The following DAPK2 variants were observed in gnomAD, a reference collection of about 807,000 sequenced individuals.
The protein encoded by DAPK2 is death-associated protein kinase 2.
A neutral mutation model predicts 44.1 loss-of-function variants in DAPK2; 35 were observed. That is an observed-to-expected ratio of 0.79 (90% confidence interval 0.61 to 1.05). DAPK2 has a LOEUF of 1.05. Ranked by LOEUF, DAPK2 falls within the 50% of genes least tolerant of loss-of-function variation. DAPK2 has a pLI of 0.00. For synonymous variants in DAPK2, 174 were observed against 182.6 expected, an observed-to-expected ratio of 0.95 and a Z score of 0.38; for missense variants, 453 against 483.2, an observed-to-expected ratio of 0.94 and a Z score of 0.59.
chr15:64,035,137 C>A lies in DAPK2; in HGVS notation c.92+5033G>T, dbSNP rs150961311. On this transcript the variant is annotated intron_variant, in intron 1 of 10. Coordinates refer to ENST00000261891, the Ensembl canonical transcript of DAPK2. ...GAGCTGAGATCATGCAACTGCACTC[C>A]AGCCTGGGCGACAGAATGAGGCTCC... 1.3e-3 allele frequency among the ~76,000 whole-genome samples: 200 copies of A among 150,952 alleles called. 1 individual carries two copies. The highest frequency in any genetic ancestry group is 4.4e-3 in the African/African-American group (181 of 41,102).
intron 3 of DAPK2, among the ~76,000 whole-genome samples, chr15:63,947,154 A>G (rs1216311996): frequency 6.6e-6 from 1 of 151,996 alleles, no homozygotes; most frequent in Non-Finnish European, 1.5e-5. Flanking sequence ...CTGCTGGAAC[A>G]GCCTTCCTGA....
rs566952200 is a variant in DAPK2 at position 64,019,723 on chromosome 15, C to T, written c.92+20447G>A. ...ATGTAAGTATCCATTCATTTTAAAG[C>T]GAACAAATGAATAAGCCAGCCAGAC... is the stretch of plus-strand genomic sequence containing the variant. On this transcript the variant is annotated intron_variant, in intron 1 of 10. Coordinates refer to ENST00000261891, the Ensembl canonical transcript of DAPK2. 1.2e-4 allele frequency among the ~76,000 whole-genome samples: 19 copies of T among 152,226 alleles called. No individual in the cohort carries two copies. In the South Asian group the frequency reaches 1.5e-3, roughly 12 times the overall value.
intron 1 of DAPK2, among the ~76,000 whole-genome samples, chr15:64,021,770 G>A (rs1379874908): frequency 1.3e-5 from 2 of 152,146 alleles, no homozygotes; most frequent in African/African-American, 4.8e-5. Flanking sequence ...GGCCCCAGAG[G>A]GAGAGGAAGT....
At chr15:64,033,960 G>A (rs2080103366) in intron 1 of DAPK2, among the ~76,000 whole-genome samples, 1 of 151,552 alleles carries the variant, frequency 6.6e-6, no homozygotes, top group African/African-American at 2.4e-5. Flanking sequence ...GTCTACCTGT[G>A]GGGTGTGAGA....
intron 7 of DAPK2, among the ~76,000 whole-genome samples, chr15:63,925,705 C>G (rs1172482031): frequency 6.6e-6 from 1 of 152,010 alleles, no homozygotes; most frequent in Non-Finnish European, 1.5e-5. Flanking sequence ...CACACACACA[C>G]ACACACACAC....
chr15:64,040,204 C>A lies in DAPK2; in HGVS notation c.58G>T (p.Glu20Ter). ...TCCTCTCCGATGTCATAAAAGTCCTCCACCTTCTGCTGCTTGAATGGCTCC... is the reference window on the plus strand; with the variant it reads ...TCCTCTCCGATGTCATAAAAGTCCTACACCTTCTGCTGCTTGAATGGCTCC... Residue 20 changes from glutamate (E) to a stop codon, truncating the protein, a stop_gained, in exon 1 of 11, where the codon GAG (glutamate) becomes TAG (stop). Transcript: ENST00000261891. LOFTEE classifies it high-confidence loss of function. 1.2e-6 allele frequency: 2 copies of A among 1,614,052 alleles called. No homozygotes were observed. Among genetic ancestry groups the A allele is most frequent in the South Asian group, 2.2e-5 (2 of 91,082 alleles).
In DAPK2 at chr15:63,912,123, G is replaced by C; in HGVS notation, c.933C>G (p.Val311=). Residue 311 remains valine (V), a synonymous_variant, in exon 9 of 11, where the codon GTC becomes GTG. Coordinates refer to ENST00000261891, the Ensembl canonical transcript of DAPK2. This position sits in a 1 kb window ranked among gnomAD's most constrained non-coding sequence, Gnocchi z 4.4. ...CTGGACACACCTTCCACCGCCTGCG[G>C]ACATACTGCTTCCTGAAGTTCTCCA... 1 of 1,613,792 alleles carries C rather than the reference G, an allele frequency of 6.2e-7. No individual in the cohort carries two copies. Among genetic ancestry groups the C allele is most frequent in the African/African-American group, 1.3e-5 (1 of 74,908 alleles).
intron 1 of DAPK2, among the ~76,000 whole-genome samples, chr15:63,999,025 A>G (rs547148234): frequency 7.2e-5 from 11 of 152,060 alleles, no homozygotes; most frequent in Non-Finnish European, 1.6e-4. Context: ...TGTTTTGTGA[A>G]ATTTTCTACC....
intron 8 of DAPK2, chr15:63,920,025 A>C (rs1444954674): frequency 6.6e-6 from 1 of 152,228 alleles, no homozygotes; most frequent in African/African-American, 2.4e-5. Flanking sequence ...AGATGTAGGA[A>C]ATGGAGCTTT....
intron 1 of DAPK2, among the ~76,000 whole-genome samples, chr15:64,024,230 G>A (rs116321081): frequency 1.5e-3 from 231 of 152,306 alleles, no homozygotes; most frequent in African/African-American, 5.4e-3. Flanking sequence ...TGGCAAGGGA[G>A]GGACTCAGAA....
At position 63,908,376 on chromosome 15, in the gene DAPK2, G is replaced by A. The variant is rs2078700128; in HGVS notation, c.*144C>T. 2.2e-6 allele frequency: 1 copy of A among 448,612 alleles called. No homozygotes were observed. The highest frequency in any genetic ancestry group is 4.2e-5 in the Admixed American group (1 of 24,048). 27.8% of individuals were successfully genotyped at this position (448,612 alleles called of 1,614,324 possible). A position where few individuals can be genotyped will look rare whatever the true frequency, so the allele number is the denominator to read the frequency against. On this transcript the variant is annotated 3_prime_UTR_variant, in exon 11 of 11. Coordinates refer to ENST00000261891, the Ensembl canonical transcript of DAPK2. The surrounding 1 kb of genome is among the most constrained non-coding windows in gnomAD (Gnocchi z 5.7). The stretch of plus-strand genomic sequence containing the variant: ...CCAGGGTCTCCTGGCTTGCCTGCAA[G>A]CTCTTCTGAATTCCTTGGGCCCATC...
chr15:64,043,272 C>A (rs1227959412), upstream of DAPK2, among the ~76,000 whole-genome samples: 5 of 152,198 alleles, frequency 3.3e-5, no homozygotes, highest in African/African-American at 1.2e-4. Context: ...AAGAGAAATG[C>A]ATGCAGATGT....
At chr15:63,924,988 T>G in intron 7 of DAPK2, 127 bp from the exon 9 acceptor site, 1 of 980,984 alleles carries the variant, frequency 1.0e-6, no homozygotes, top group Non-Finnish European at 1.5e-6. Context: ...ACCAGTGGAA[T>G]GGAGGATGCA....
intron 1 of DAPK2, among the ~76,000 whole-genome samples, chr15:64,016,822 GGGAAGGAAGGAAGGAGGGAAGGAA>G (rs2079539270): frequency 8.8e-6 from 1 of 113,462 alleles, no homozygotes; most frequent in African/African-American, 3.6e-5. Flanking sequence ...GAAGGGGAAG[GGGAAGGAAGGAAGGAGGGAAGGAA>G]GGAAGGAAGG....
chr15:63,936,445 T>C (rs1289807798), intron 4 of DAPK2, among the ~76,000 whole-genome samples: 2 of 151,958 alleles, frequency 1.3e-5, no homozygotes, highest in African/African-American at 4.8e-5. Flanking sequence ...ACCCTGTCTC[T>C]ACTAAAAATA....
chr15:63,921,956 G>T (rs2079084529), intron 8 of DAPK2: 1 of 152,144 alleles, frequency 6.6e-6, no homozygotes, highest in African/African-American at 2.4e-5. Context: ...CAGAATACAT[G>T]AAGTTGCTTA....
At chr15:64,005,730 A>G (rs16947680) in intron 1 of DAPK2, among the ~76,000 whole-genome samples, 5,980 of 152,220 alleles carry the variant, frequency 0.039, 404 homozygotes, top group African/African-American at 0.14. Flanking sequence ...TTCAAACCAC[A>G]TAAAACTCTG....
rs571923645 is a variant in DAPK2 at position 63,929,329 on chromosome 15, G to C, written c.659+222C>G. On this transcript the variant is annotated intron_variant, in intron 6 of 10. Coordinates refer to ENST00000261891, the Ensembl canonical transcript of DAPK2. ...AGACACAGGTTGTGCAGAGTGGAGA[G>C]CCTGAGGCTGCTCCCCTGGATGCCT... is the stretch of plus-strand genomic sequence containing the variant. Among the ~76,000 whole-genome samples, 68 of 152,324 alleles carry C rather than the reference G, an allele frequency of 4.5e-4. No homozygotes were observed. The Middle Eastern group carries it at 0.014, about 30-fold the overall frequency.
At chr15:63,920,994 T>A (rs905565489) in intron 8 of DAPK2, 2 of 152,318 alleles carry the variant, frequency 1.3e-5, no homozygotes, top group African/African-American at 4.8e-5. Flanking sequence ...TGTCAGACCC[T>A]GACGGCAGGC....
Sources: allele counts gnomAD v4.1 joint callset (sites outside exome capture counted in the v4.1 genomes callset), GRCh38; gene constraint gnomAD v4.1.1; non-coding constraint Gnocchi (gnomAD v3.1); transcripts MANE v1.5; gene names NCBI Gene and HGNC (gene_info 2026-07-23, HGNC 2026-07-21).